The following RIN3 variants were observed in gnomAD, a reference collection of about 807,000 sequenced individuals.
RIN3 encodes the protein RAB5 interacting protein 3.
In RIN3, 54 loss-of-function variants were observed where a neutral mutation model predicts 76.3. The ratio of observed to expected loss-of-function variants is 0.71; its 90% CI spans 0.57 to 0.89. The LOEUF (loss-of-function observed/expected upper bound fraction) is 0.89, where lower values mean the gene tolerates loss of function less well. RIN3 is among the 40% of genes least tolerant of loss of function. The pLI is 0.00. For missense variants in RIN3, 1,256 were observed against 1,322.1 expected (o/e 0.95, Z 0.78); for synonymous variants, 576 against 564.0 (o/e 1.02, Z -0.30).
At chr14:92,667,986 A>G (rs1182555823) in intron 7 of RIN3, among the ~76,000 whole-genome samples, 1 of 152,158 alleles carries the variant, frequency 6.6e-6, no homozygotes, top group Non-Finnish European at 1.5e-5. Flanking sequence ...CTAAGATGTC[A>G]TGTTCTGAGG....
intron 3 of RIN3, among the ~76,000 whole-genome samples, chr14:92,614,770 A>G (rs1885883522): frequency 1.3e-5 from 2 of 150,832 alleles, no homozygotes; most frequent in South Asian, 2.1e-4. Context: ...CTCACCAGCC[A>G]CATAGAACTG....
At chr14:92,567,994 A>AAGG (rs1320476877) in intron 2 of RIN3, among the ~76,000 whole-genome samples, 2 of 152,162 alleles carry the variant, frequency 1.3e-5, no homozygotes, top group Non-Finnish European at 2.9e-5. Flanking sequence ...TTCTCACAGC[A>AAGG]ACCCTGAATG....
rs1162423161 is a variant in RIN3 at position 92,556,560 on chromosome 14, A to T, written c.249+605A>T. ...AGATGATGGATGGATGAATGGACAG[A>T]TGGATGGACAGACAGACAGATGGAT... On this transcript the variant is annotated intron_variant, in intron 2 of 9. Coordinates refer to ENST00000216487, the MANE Select transcript of RIN3 (RefSeq NM_024832.5). Among the ~76,000 whole-genome samples the T allele has an allele frequency of 3.3e-5, 5 of 150,624 alleles. No individual in the cohort carries two copies. In the Admixed American group the frequency reaches 3.3e-4, roughly 10 times the overall value.
intron 4 of RIN3, among the ~76,000 whole-genome samples, chr14:92,617,696 G>C (rs958043193): frequency 1.2e-4 from 19 of 152,038 alleles, no homozygotes; most frequent in African/African-American, 3.6e-4. Flanking sequence ...AGAGACCAAA[G>C]AATGACTTAA....
chr14:92,574,727 G>A (rs549128030), intron 2 of RIN3, among the ~76,000 whole-genome samples: 10 of 152,188 alleles, frequency 6.6e-5, no homozygotes, highest in Middle Eastern at 3.4e-3. Context: ...TCTTCATCCT[G>A]CTCTGCTGGA....
chr14:92,525,245 C>T (rs569573219), intron 1 of RIN3, among the ~76,000 whole-genome samples: 2 of 152,310 alleles, frequency 1.3e-5, no homozygotes, highest in East Asian at 1.9e-4. Context: ...ACAGAAGAGC[C>T]GGCAGCACAA....
chr14:92,525,161 C>T (rs1043159451), intron 1 of RIN3, among the ~76,000 whole-genome samples: 2 of 152,144 alleles, frequency 1.3e-5, no homozygotes, highest in Non-Finnish European at 2.9e-5. Context: ...GGTTGGCCTG[C>T]ACCCATGGGC....
At chr14:92,519,484 C>G (rs974030051) in intron 1 of RIN3, among the ~76,000 whole-genome samples, 4 of 152,114 alleles carry the variant, frequency 2.6e-5, no homozygotes, top group Non-Finnish European at 5.9e-5. Context: ...GCCTGCCTGG[C>G]CATCAGCTGT....
At chr14:92,635,739 G>A (rs1886751330) in intron 4 of RIN3, among the ~76,000 whole-genome samples, 1 of 152,160 alleles carries the variant, frequency 6.6e-6, no homozygotes, top group Non-Finnish European at 1.5e-5. Flanking sequence ...TGTAGTCCCA[G>A]CTACTCGGGA....
chr14:92,683,014 A>T (rs1260598543), intron 8 of RIN3, among the ~76,000 whole-genome samples: 1 of 152,122 alleles, frequency 6.6e-6, no homozygotes, highest in African/African-American at 2.4e-5. Context: ...AAAAATACAA[A>T]AAGTTAGCCA....
intron 8 of RIN3, among the ~76,000 whole-genome samples, chr14:92,683,306 T>C (rs1888734348): frequency 6.6e-6 from 1 of 151,976 alleles, no homozygotes; most frequent in Admixed American, 6.6e-5. Flanking sequence ...GTTTCCAGGG[T>C]CTCCTTGCCC....
At chr14:92,616,843 T>C (rs1885988006) in intron 4 of RIN3, among the ~76,000 whole-genome samples, 1 of 152,202 alleles carries the variant, frequency 6.6e-6, no homozygotes, top group African/African-American at 2.4e-5. Context: ...CTGTCAAGAA[T>C]GTTTGTTACA....
chr14:92,550,331 G>A (rs11622930), intron 1 of RIN3, among the ~76,000 whole-genome samples: 42,553 of 152,094 alleles, frequency 0.28, 6,559 homozygotes, highest in Middle Eastern at 0.4. Flanking sequence ...GTAGTTGACA[G>A]CTCATGAAAT....
intron 3 of RIN3, among the ~76,000 whole-genome samples, chr14:92,615,131 G>C (rs1294762140): frequency 6.6e-6 from 1 of 152,208 alleles, no homozygotes; most frequent in East Asian, 1.9e-4. Flanking sequence ...ATGAGCCACT[G>C]TACCCGGCCC....
chr14:92,590,805 C>T (rs1884952610), intron 3 of RIN3, among the ~76,000 whole-genome samples: 1 of 152,140 alleles, frequency 6.6e-6, no homozygotes. Context: ...GGCACAGGCT[C>T]AGTGAAAGAC....
At chr14:92,546,470 C>T (rs1482014296) in intron 1 of RIN3, among the ~76,000 whole-genome samples, 1 of 152,192 alleles carries the variant, frequency 6.6e-6, no homozygotes, top group African/African-American at 2.4e-5. Flanking sequence ...CTTTTAACAG[C>T]TGTGTCATTG....
chr14:92,513,894 C>T lies in RIN3; in HGVS notation c.-39C>T. The T allele has an allele frequency of 1.6e-6, 2 of 1,251,760 alleles. No homozygotes were observed. The highest frequency in any genetic ancestry group is 3.2e-5 in the East Asian group (1 of 31,310). 77.5% of individuals were successfully genotyped at this position (1,251,760 alleles called of 1,614,324 possible). A position where few individuals can be genotyped will look rare whatever the true frequency, so the allele number is the denominator to read the frequency against. ...CTCCGCGTTCCGCGCGGCCCGGCGC[C>T]TGAGCGCCTCCGTTCCCCGTCCCGG... On this transcript the variant is annotated 5_prime_UTR_variant, in exon 1 of 10. Transcript: ENST00000216487.
chr14:92,677,595 A>T (rs1457353766), intron 8 of RIN3, among the ~76,000 whole-genome samples: 1 of 151,874 alleles, frequency 6.6e-6, no homozygotes, highest in East Asian at 1.9e-4. Flanking sequence ...GGCTAGTGGC[A>T]CTGGGACCTC....
intron 3 of RIN3, among the ~76,000 whole-genome samples, chr14:92,580,270 G>A (rs562557918): frequency 8.5e-5 from 13 of 152,404 alleles, no homozygotes; most frequent in African/African-American, 3.1e-4. Context: ...TTGGGAGGCT[G>A]AGGCAGAATT....
Sources: allele counts gnomAD v4.1 joint callset (sites outside exome capture counted in the v4.1 genomes callset), GRCh38; gene constraint gnomAD v4.1.1; transcripts MANE v1.5; gene names NCBI Gene and HGNC (gene_info 2026-07-23, HGNC 2026-07-21).